The following TLE4 variants were observed in gnomAD, a reference collection of about 807,000 sequenced individuals.
TLE4 encodes transducin-like enhancer protein 4.
Under a neutral mutation model 92.8 loss-of-function variants are expected in TLE4, and 8 were observed. The ratio of observed to expected loss-of-function variants is 0.09; its 90% CI spans 0.05 to 0.16. TLE4 has a LOEUF of 0.16. Among genes scored for constraint, TLE4 ranks in the 10% least tolerant of loss-of-function variants. The pLI, the probability that TLE4 is intolerant of heterozygous loss-of-function variation, is 1.00. For missense variants in TLE4, 675 were observed against 997.6 expected (o/e 0.68, Z 4.36); for synonymous variants, 371 against 374.1 (o/e 0.99, Z 0.10).
chr9:79,713,917 G>A (rs1429518519), intron 14 of TLE4, among the ~76,000 whole-genome samples: 1 of 152,138 alleles, frequency 6.6e-6, no homozygotes, highest in East Asian at 1.9e-4. Context: ...ACGCTGGAGT[G>A]TAGTGGCTCA....
intron 8 of TLE4, among the ~76,000 whole-genome samples, chr9:79,659,322 C>G (rs936339163): frequency 6.6e-6 from 1 of 152,136 alleles, no homozygotes; most frequent in Non-Finnish European, 1.5e-5. Context: ...TATACTTTTT[C>G]TTTGCCGAAG....
intron 6 of TLE4, among the ~76,000 whole-genome samples, chr9:79,645,034 T>C (rs1407877651): frequency 6.6e-6 from 1 of 152,166 alleles, no homozygotes; most frequent in African/African-American, 2.4e-5. Context: ...TACCAAAAAC[T>C]CCATTCCTGA....
chr9:79,725,251 T>C lies in TLE4; in HGVS notation c.*107T>C. ...ATCTAAAACCAAGGATTTCAGATAC[T>C]CATTGCAGTTGTGGAGTTTAATCCC... On this transcript the variant is annotated 3_prime_UTR_variant, in exon 20 of 20. Coordinates refer to ENST00000376552, the MANE Select transcript of TLE4 (RefSeq NM_007005.6). The C allele has an allele frequency of 1.4e-6, 1 of 719,284 alleles. No individual in the cohort carries two copies. Among genetic ancestry groups the C allele is most frequent in the Non-Finnish European group, 2.4e-6 (1 of 420,570 alleles). The allele number at this position is 719,284 out of a possible 1,614,324, so 44.6% of individuals were successfully genotyped here.
At chr9:79,578,568 T>G (rs7851765) in intron 4 of TLE4, among the ~76,000 whole-genome samples, 22,102 of 152,116 alleles carry the variant, frequency 0.15, 1,765 homozygotes, top group African/African-American at 0.2. Context: ...GTGTTCTCCC[T>G]CCTACCCTTT....
intron 8 of TLE4, among the ~76,000 whole-genome samples, chr9:79,690,176 T>G (rs903626098): frequency 1.3e-5 from 2 of 152,172 alleles, no homozygotes; most frequent in African/African-American, 4.8e-5. Context: ...CCACCTCACA[T>G]GCACATGCTT....
At chr9:79,581,425 C>G (rs941521918) in intron 4 of TLE4, among the ~76,000 whole-genome samples, 7 of 152,082 alleles carry the variant, frequency 4.6e-5, no homozygotes, top group Non-Finnish European at 7.4e-5. Flanking sequence ...TTTCCTTCTC[C>G]CATGATGGAT....
chr9:79,578,448 A>T (rs974467604), intron 4 of TLE4, among the ~76,000 whole-genome samples: 4 of 152,094 alleles, frequency 2.6e-5, no homozygotes, highest in African/African-American at 7.2e-5. Flanking sequence ...TTTTAGAGAA[A>T]TTTTTCATTG....
At position 79,585,509 on chromosome 9, in the gene TLE4, T is replaced by G. The variant is rs536261963; in HGVS notation, c.252+9332T>G. On this transcript the variant is annotated intron_variant, in intron 4 of 19. Coordinates refer to ENST00000376552, the MANE Select transcript of TLE4 (RefSeq NM_007005.6). Reference sequence around the variant, plus strand: ...GTTCTGGCCTTGCTAGTCACCAGCTTTGTGATATTGCTGAGTACCGTACCT... The same window carrying G: ...GTTCTGGCCTTGCTAGTCACCAGCTGTGTGATATTGCTGAGTACCGTACCT... 2.6e-5 allele frequency among the ~76,000 whole-genome samples: 4 copies of G among 152,332 alleles called. No individual in the cohort carries two copies. The East Asian group carries it at 7.7e-4, about 29-fold the overall frequency.
intron 8 of TLE4, among the ~76,000 whole-genome samples, chr9:79,664,059 C>A (rs758990323): frequency 6.6e-6 from 1 of 152,266 alleles, no homozygotes; most frequent in Non-Finnish European, 1.5e-5. Context: ...TTAGTTTGTT[C>A]TTTTCTTGGC....
chr9:79,603,376 T>A lies in TLE4; in HGVS notation c.253-9280T>A, dbSNP rs1295650463. On this transcript the variant is annotated intron_variant, in intron 4 of 19. Coordinates refer to ENST00000376552, the MANE Select transcript of TLE4 (RefSeq NM_007005.6). Reference sequence around the variant, plus strand: ...AGAAAATGTCATAGCCCTCCAACTTTCAGCAACCACCACCCTGATTAGCCA... The same window carrying A: ...AGAAAATGTCATAGCCCTCCAACTTACAGCAACCACCACCCTGATTAGCCA... 2.6e-5 allele frequency among the ~76,000 whole-genome samples: 4 copies of A among 152,240 alleles called. No individual in the cohort carries two copies. In the East Asian group the frequency reaches 5.8e-4, roughly 22 times the overall value.
In TLE4 at chr9:79,708,230, C is replaced by A. The variant is rs959741109; in HGVS notation, c.1049C>A (p.Pro350Gln). 6.2e-7 allele frequency: 1 copy of A among 1,614,054 alleles called. No homozygotes were observed. The highest frequency in any genetic ancestry group is 8.5e-7 in the Non-Finnish European group (1 of 1,180,038). ...GGATTGAGGCCTGTACCTGGAAAACCACCAGGAGTTGACCCTTTGGGTTAG... is the reference window on the plus strand; with the variant it reads ...GGATTGAGGCCTGTACCTGGAAAACAACCAGGAGTTGACCCTTTGGGTTAG... Reference protein sequence around the residue: ...TPGLRPVPGKPPGVDPLASSL... With the variant: ...TPGLRPVPGKQPGVDPLASSL... Residue 350 changes from proline to glutamine, a missense_variant, in exon 12 of 20, where the codon CCA becomes CAA. Physicochemically the swap from Pro to Gln is moderately conservative, Grantham distance 76. Coordinates refer to ENST00000376552, the MANE Select transcript of TLE4 (RefSeq NM_007005.6).
chr9:79,600,752 C>T (rs1370958461), intron 4 of TLE4, among the ~76,000 whole-genome samples: 1 of 152,162 alleles, frequency 6.6e-6, no homozygotes, highest in South Asian at 2.1e-4. Context: ...CTCCCCAAGC[C>T]TGGCTCTAAC....
chr9:79,665,026 T>A (rs2061169308), intron 8 of TLE4, among the ~76,000 whole-genome samples: 1 of 152,242 alleles, frequency 6.6e-6, no homozygotes, highest in Non-Finnish European at 1.5e-5. Flanking sequence ...ATTTCCTTTA[T>A]AACAAATGTA....
chr9:79,573,302 C>T (rs2036451855), intron 1 of TLE4: 4 of 1,032,714 alleles, frequency 3.9e-6, no homozygotes, highest in Non-Finnish European at 4.7e-6. Flanking sequence ...CCGCCTCCCT[C>T]CTCCCCCGGC....
chr9:79,649,650 A>G (rs1312933896), intron 6 of TLE4: 4 of 355,502 alleles, frequency 1.1e-5, no homozygotes, highest in African/African-American at 2.2e-5. Context: ...TAAGATTAGC[A>G]TACAAGAGGA....
At position 79,681,209 on chromosome 9, in the gene TLE4, A is replaced by G. The variant is rs112546252; in HGVS notation, c.610-23574A>G. Among the ~76,000 whole-genome samples, 904 of 152,288 alleles carry G rather than the reference A, an allele frequency of 5.9e-3. 7 individuals carry two copies. Among genetic ancestry groups the G allele is most frequent in the African/African-American group, 0.02 (822 of 41,560 alleles). The stretch of plus-strand genomic sequence containing the variant: ...GACTAGGAGTTCTCTAAGTCTGTGA[A>G]TACATCCAAAAATTAAGATTTACTC... On this transcript the variant is annotated intron_variant, in intron 8 of 19. Transcript: ENST00000376552.
Position 79,652,466 on chromosome 9 carries a change from C to T in TLE4, c.391-127C>T, listed in dbSNP as rs1402545489. 2.5e-5 allele frequency: 25 copies of T among 983,748 alleles called. No homozygotes were observed. In the Middle Eastern group the frequency reaches 8.4e-4, roughly 33 times the overall value. The allele number at this position is 983,748 out of a possible 1,614,324, so 60.9% of individuals were successfully genotyped here. On this transcript the variant is annotated intron_variant, in intron 6 of 19. Transcript: ENST00000376552. ...CCTCCCAAAGTGCTGGGATTACAGG[C>T]GTGAGCCACCGTGCCCAGCCGGTGT...
At chr9:79,683,452 A>C (rs1410291095) in intron 8 of TLE4, among the ~76,000 whole-genome samples, 1 of 152,196 alleles carries the variant, frequency 6.6e-6, no homozygotes, top group African/African-American at 2.4e-5. Context: ...AAGAGTTTAC[A>C]TGGTACCTAT....
chr9:79,646,775 T>G (rs774729629), intron 6 of TLE4, among the ~76,000 whole-genome samples: 5 of 152,190 alleles, frequency 3.3e-5, no homozygotes, highest in Non-Finnish European at 5.9e-5. Context: ...TGCCTTTTGG[T>G]GACTTAATTT....
Sources: allele counts gnomAD v4.1 joint callset (sites outside exome capture counted in the v4.1 genomes callset), GRCh38; gene constraint gnomAD v4.1.1; transcripts MANE v1.5; gene names NCBI Gene and HGNC (gene_info 2026-07-23, HGNC 2026-07-21).